The following ERI1 variants were observed in gnomAD, a reference collection of about 807,000 sequenced individuals.
ERI1 encodes the protein 3'-5' exoribonuclease 1.
A neutral mutation model predicts 39.7 loss-of-function variants in ERI1; 39 were observed. The observed-to-expected ratio is 0.98, with a 90% CI of 0.76 to 1.28. ERI1 has a LOEUF of 1.28. ERI1 is among the 50% of genes most tolerant of loss of function. The probability of loss-of-function intolerance (pLI) is 0.00; values close to 1 mark genes in which losing one functional copy is unlikely to be tolerated. For missense variants in ERI1, 581 were observed against 416.9 expected, an observed-to-expected ratio of 1.39 and a Z score of -3.43; for synonymous variants, 204 against 149.6, an observed-to-expected ratio of 1.36 and a Z score of -2.65.
chr8:9,049,053 G>T (rs1798268642), intron 3 of ERI1, among the ~76,000 whole-genome samples: 1 of 151,988 alleles, frequency 6.6e-6, no homozygotes, highest in Admixed American at 6.6e-5. Flanking sequence ...TCTTTACAAA[G>T]GGCAGCTGGG....
At chr8:9,072,937 G>A (rs1187814330) in intron 3 of ERI1, among the ~76,000 whole-genome samples, 3 of 152,130 alleles carry the variant, frequency 2.0e-5, no homozygotes, top group Non-Finnish European at 2.9e-5. Flanking sequence ...TGCGTCTTTC[G>A]GCCTCCTCTG....
intron 3 of ERI1, among the ~76,000 whole-genome samples, chr8:9,012,684 A>G (rs781421063): frequency 2.6e-5 from 4 of 152,230 alleles, no homozygotes; most frequent in Non-Finnish European, 5.9e-5. Context: ...ACGTTACTGT[A>G]GCAGTTCTCC....
intron 3 of ERI1, among the ~76,000 whole-genome samples, chr8:9,040,846 C>T (rs1042323338): frequency 6.6e-6 from 1 of 152,182 alleles, no homozygotes; most frequent in Middle Eastern, 3.4e-3. Context: ...CTGCCCCTGC[C>T]TCATTGTCAA....
chr8:9,016,315 C>G lies in ERI1; in HGVS notation c.499-7C>G. ...AATTACTTTAACTTGCTATCCTTCC[C>G]TTGCAGGAAGACACGTTTCAGCAGT... On this transcript the variant is annotated splice_polypyrimidine_tract_variant and splice_region_variant and intron_variant, in intron 3 of 6. Coordinates refer to ENST00000250263, the MANE Select transcript of ERI1 (RefSeq NM_153332.4). The G allele has an allele frequency of 2.5e-6, 4 of 1,575,122 alleles. No individual in the cohort carries two copies. Among genetic ancestry groups the G allele is most frequent in the East Asian group, 4.6e-5 (2 of 43,750 alleles).
At chr8:9,020,827 C>G (rs1207982051) in intron 6 of ERI1, among the ~76,000 whole-genome samples, 1 of 150,524 alleles carries the variant, frequency 6.6e-6, no homozygotes, top group Non-Finnish European at 1.5e-5. Context: ...GCAAGACTTA[C>G]AATGAATGGC....
intron 3 of ERI1, among the ~76,000 whole-genome samples, chr8:9,058,286 G>C (rs996829037): frequency 8.5e-5 from 13 of 152,190 alleles, no homozygotes; most frequent in Non-Finnish European, 1.8e-4. Context: ...AGAAAGGGTG[G>C]AGCCACGGGC....
chr8:9,021,131 A>G (rs1817843546), intron 6 of ERI1, among the ~76,000 whole-genome samples: 1 of 151,574 alleles, frequency 6.6e-6, no homozygotes, highest in Admixed American at 6.6e-5. Context: ...CAGTGTTCAT[A>G]CTCCCGTGAC....
intron 6 of ERI1, among the ~76,000 whole-genome samples, chr8:9,029,162 C>G (rs764786743): frequency 6.6e-6 from 1 of 151,858 alleles, no homozygotes; most frequent in African/African-American, 2.4e-5. Flanking sequence ...TGTAAAATAA[C>G]TAACTTGGTT....
At position 9,085,316 on chromosome 8, in the gene ERI1, C is replaced by G. The variant is rs370386480; in HGVS notation, n.300-31032C>G. 1.4e-3 allele frequency among the ~76,000 whole-genome samples: 217 copies of G among 152,240 alleles called. 2 individuals are homozygous for G. The highest frequency in any genetic ancestry group is 5.0e-3 in the African/African-American group (208 of 41,532). ...CTCTGCCTCCTGGGTTCAAGTGATTCTCCTGCTTCAGCCTCCCAAGGAGAT... is the reference window on the plus strand; with the variant it reads ...CTCTGCCTCCTGGGTTCAAGTGATTGTCCTGCTTCAGCCTCCCAAGGAGAT... On this transcript the variant is annotated intron_variant and non_coding_transcript_variant, in intron 3 of 3. Transcript: ENST00000518663.
chr8:9,032,354 C>T lies in ERI1; in HGVS notation c.*2320C>T, dbSNP rs1480931603. The T allele has an allele frequency of 2.6e-5, 4 of 152,158 alleles. No homozygotes were observed. The highest frequency in any genetic ancestry group is 5.9e-5 in the Non-Finnish European group (4 of 68,032). 9.4% of individuals were successfully genotyped at this position (152,158 alleles called of 1,614,324 possible). A position where few individuals can be genotyped will look rare whatever the true frequency, so the allele number is the denominator to read the frequency against. On this transcript the variant is annotated 3_prime_UTR_variant, in exon 7 of 7. Transcript: ENST00000250263. ...TTATTCTATGCTTCATATGCTCTGACATTGACATAGTGGATTTCTGCTGAT... is the reference window on the plus strand; with the variant it reads ...TTATTCTATGCTTCATATGCTCTGATATTGACATAGTGGATTTCTGCTGAT...
chr8:9,037,994 A>G (rs1237678899), downstream of ERI1, among the ~76,000 whole-genome samples: 5 of 152,010 alleles, frequency 3.3e-5, no homozygotes, highest in East Asian at 1.9e-4. Flanking sequence ...ACTTTTTTGC[A>G]CAAGTACTCC....
Position 9,003,032 on chromosome 8 carries a change from T to G in ERI1, c.-32T>G, listed in dbSNP as rs1815533768. On this transcript the variant is annotated 5_prime_UTR_variant, in exon 1 of 7. Transcript: ENST00000250263. Reference sequence around the variant, plus strand: ...GAGTGAGAGTTAGCAAGTGTCCGGCTCCAGCAACTCTCCTCTGGCGTGACA... The same window carrying G: ...GAGTGAGAGTTAGCAAGTGTCCGGCGCCAGCAACTCTCCTCTGGCGTGACA... The G allele has an allele frequency of 8.3e-7, 1 of 1,211,386 alleles. No homozygotes were observed. Among genetic ancestry groups the G allele is most frequent in the Non-Finnish European group, 1.0e-6 (1 of 956,274 alleles). The allele number at this position is 1,211,386 out of a possible 1,614,324, so 75.0% of individuals were successfully genotyped here. A position where few individuals can be genotyped will look rare whatever the true frequency, so the allele number is the denominator to read the frequency against.
chr8:9,069,774 C>T (rs1798990793), intron 3 of ERI1, among the ~76,000 whole-genome samples: 1 of 152,050 alleles, frequency 6.6e-6, no homozygotes, highest in Non-Finnish European at 1.5e-5. Flanking sequence ...TAAAGTATTA[C>T]TTTACAAATG....
Position 9,029,982 on chromosome 8 carries a change from C to T in ERI1, c.998C>T (p.Ser333Phe). Residue 333 changes from serine (S) to phenylalanine (F), a missense_variant, in exon 7 of 7, where the codon TCC (serine) becomes TTC (phenylalanine). Coordinates refer to ENST00000250263, the MANE Select transcript of ERI1 (RefSeq NM_153332.4). ...GGACAGCTAATGAGTGTGTCCTCTT[C>T]CTTACCAATAGAGGGCACTCCACCA... is the stretch of plus-strand genomic sequence containing the variant. ...HAGQLMSVSS[S>F]LPIEGTPPPQ... is the part of the protein sequence containing the mutation. 6.2e-7 allele frequency: 1 copy of T among 1,614,070 alleles called. No individual in the cohort carries two copies. Among genetic ancestry groups the T allele is most frequent in the South Asian group, 1.1e-5 (1 of 91,080 alleles).
intron 3 of ERI1, among the ~76,000 whole-genome samples, chr8:9,056,489 C>CATG (rs1798511255): frequency 1.3e-5 from 2 of 151,880 alleles, no homozygotes; most frequent in African/African-American, 4.8e-5. Context: ...TCAAGTTTGG[C>CATG]TTTTATAAAT....
chr8:9,026,424 C>CTTCT (rs112534897), intron 6 of ERI1, among the ~76,000 whole-genome samples: 4,143 of 152,266 alleles, frequency 0.027, 183 homozygotes, highest in African/African-American at 0.094. Flanking sequence ...AATCATCATT[C>CTTCT]TTCTGTCTCT....
At chr8:9,096,997 T>A (rs892777780) in intron 3 of ERI1, 1 of 152,166 alleles carries the variant, frequency 6.6e-6, no homozygotes, top group African/African-American at 2.4e-5. Context: ...CTCTTCACTC[T>A]CTAGACGAAG....
chr8:9,033,771 C>G (rs1025346854), downstream of ERI1, among the ~76,000 whole-genome samples: 12 of 152,144 alleles, frequency 7.9e-5, no homozygotes, highest in African/African-American at 2.6e-4. Context: ...TGCTCTTTAT[C>G]TCTGTGCTAT....
chr8:9,018,424 T>G lies in ERI1; in HGVS notation c.692+18T>G, dbSNP rs763242824. 7.6e-7 allele frequency: 1 copy of G among 1,322,924 alleles called. No individual in the cohort carries two copies. Among genetic ancestry groups the G allele is most frequent in the Admixed American group, 1.9e-5 (1 of 51,706 alleles). 81.9% of individuals were successfully genotyped at this position (1,322,924 alleles called of 1,614,324 possible). A position where few individuals can be genotyped will look rare whatever the true frequency, so the allele number is the denominator to read the frequency against. ...ACAGATGGGTAAGTATTTAGGAAGA[T>G]TATTTTTTTATATCTACTTTTTAAA... On this transcript the variant is annotated intron_variant, in intron 5 of 6. Coordinates refer to ENST00000250263, the MANE Select transcript of ERI1 (RefSeq NM_153332.4).
Sources: allele counts gnomAD v4.1 joint callset (sites outside exome capture counted in the v4.1 genomes callset), GRCh38; gene constraint gnomAD v4.1.1; transcripts MANE v1.5; gene names NCBI Gene and HGNC (gene_info 2026-07-23, HGNC 2026-07-21).